Variants in RYR3 observed in about 807,000 individuals in gnomAD.
The protein encoded by RYR3 is brain ryanodine receptor-calcium release channel.
RYR3 carries 207 observed loss-of-function variants against 584.3 expected under a neutral mutation model. The ratio of observed to expected loss-of-function variants is 0.35; its 90% CI spans 0.32 to 0.40. The LOEUF (loss-of-function observed/expected upper bound fraction) is 0.40, where lower values mean the gene tolerates loss of function less well. RYR3 is among the 10% of genes least tolerant of loss of function. The pLI is 1.00. For missense variants in RYR3, 5,616 were observed against 6,089.2 expected, an observed-to-expected ratio of 0.92 and a Z score of 2.59; for synonymous variants, 2,416 against 2,248.5, an observed-to-expected ratio of 1.07 and a Z score of -2.11.
In RYR3 at chr15:33,425,331, T is replaced by C. The variant is rs534117517; in HGVS notation, c.52-48088T>C. On this transcript the variant is annotated intron_variant, in intron 1 of 103. Coordinates refer to ENST00000634891, the MANE Select transcript of RYR3 (RefSeq NM_001036.6). ...GTTGGAGCAATTGTAGTCTGTCTGT[T>C]TGCTGGAGAGGCTGTGGGAAATTCT... 2.6e-5 allele frequency among the ~76,000 whole-genome samples: 4 copies of C among 152,342 alleles called. No homozygotes were observed. In the South Asian group the frequency reaches 6.2e-4, roughly 24 times the overall value.
At chr15:33,845,256 G>T (rs7180465) in intron 93 of RYR3, among the ~76,000 whole-genome samples, 194 bp downstream of exon 93, 1 of 152,050 alleles carries the variant, frequency 6.6e-6, no homozygotes, top group South Asian at 2.1e-4. Flanking sequence ...GTTTTCTTCT[G>T]TTGTTGTTGT....
chr15:33,764,974 C>T (rs147974787), intron 60 of RYR3, among the ~76,000 whole-genome samples: 2,064 of 136,882 alleles, frequency 0.015, 27 homozygotes, highest in Middle Eastern at 0.034. Flanking sequence ...GAGGTTGCAG[C>T]GAGCCAAGAT....
chr15:33,744,860 T>A (rs2070523290), intron 52 of RYR3, among the ~76,000 whole-genome samples: 2 of 152,202 alleles, frequency 1.3e-5, no homozygotes, highest in South Asian at 2.1e-4. Flanking sequence ...TGAAAACATG[T>A]GGGTTTTACC....
rs369063396 is a variant in RYR3, at chr15:33,780,647, C to G, written c.9268+306C>G. Among the ~76,000 whole-genome samples, 14 of 152,310 alleles carry G rather than the reference C, an allele frequency of 9.2e-5. 1 individual carries two copies. The highest frequency in any genetic ancestry group is 7.2e-4 in the Admixed American group (11 of 15,300). Reference sequence around the variant, plus strand: ...TCTGCTCTGGGTTTCAGTTCCCCCTCTGCACCTGGGGATGTGACTCCTTTT... The same window carrying G: ...TCTGCTCTGGGTTTCAGTTCCCCCTGTGCACCTGGGGATGTGACTCCTTTT... On this transcript the variant is annotated intron_variant, in intron 65 of 103. Transcript: ENST00000634891.
At chr15:33,536,758 A>G (rs1243844641) in intron 5 of RYR3, among the ~76,000 whole-genome samples, 1 of 152,262 alleles carries the variant, frequency 6.6e-6, no homozygotes, top group Non-Finnish European at 1.5e-5. Context: ...AGAGAGAAAT[A>G]GTGCTCCTGA....
intron 10 of RYR3, among the ~76,000 whole-genome samples, chr15:33,555,242 T>C (rs1290567560): frequency 6.6e-6 from 1 of 152,192 alleles, no homozygotes; most frequent in Non-Finnish European, 1.5e-5. Flanking sequence ...GCTGTGCTCA[T>C]GGTGCACCTG....
At chr15:33,515,090 C>T (rs777201542) in intron 3 of RYR3, among the ~76,000 whole-genome samples, 4 of 152,266 alleles carry the variant, frequency 2.6e-5, no homozygotes, top group Middle Eastern at 3.4e-3. Flanking sequence ...TAATTTAATA[C>T]ATTCATGTAA....
intron 1 of RYR3, among the ~76,000 whole-genome samples, chr15:33,357,948 C>A (rs1254671965): frequency 6.6e-6 from 1 of 152,204 alleles, no homozygotes; most frequent in African/African-American, 2.4e-5. Flanking sequence ...CAAACTCTTA[C>A]AGCAGTGTAG....
chr15:33,548,513 C>A (rs2056422990), intron 9 of RYR3, among the ~76,000 whole-genome samples: 1 of 152,214 alleles, frequency 6.6e-6, no homozygotes, highest in Non-Finnish European at 1.5e-5. Context: ...TAAACAGGTT[C>A]TCTGGAACCC....
chr15:33,831,251 G>T (rs1020334691), intron 86 of RYR3, among the ~76,000 whole-genome samples, 160 bp downstream of exon 86: 3 of 152,234 alleles, frequency 2.0e-5, no homozygotes, highest in Admixed American at 2.0e-4. Context: ...AATAGTACCT[G>T]CATTCCACAA....
At chr15:33,837,047 T>C in intron 88 of RYR3, 60 bp downstream of exon 88, 1 of 1,294,796 alleles carries the variant, frequency 7.7e-7, no homozygotes, top group Non-Finnish European at 1.1e-6. Flanking sequence ...AGCACTAACC[T>C]TACTGATCAT....
intron 16 of RYR3, among the ~76,000 whole-genome samples, chr15:33,601,193 G>C (rs530280229): frequency 6.6e-6 from 1 of 152,300 alleles, no homozygotes; most frequent in African/African-American, 2.4e-5. Flanking sequence ...GACTACAACA[G>C]AGGGGCTAGA....
At chr15:33,618,229 C>T (rs1192671051) in intron 19 of RYR3, among the ~76,000 whole-genome samples, 1 of 152,162 alleles carries the variant, frequency 6.6e-6, no homozygotes, top group East Asian at 1.9e-4. Context: ...TTAAACTCCC[C>T]ATAAATCTAT....
chr15:33,648,474 C>G lies in RYR3; in HGVS notation c.3979-598C>G, dbSNP rs570266867. On this transcript the variant is annotated intron_variant, in intron 30 of 103. Transcript: ENST00000634891. ...GTGATAACCCCATGGATTGTATGAG[C>G]CCTGCCAAAAACTGCTGTACTTCTC... Among the ~76,000 whole-genome samples the G allele has an allele frequency of 5.3e-5, 8 of 152,310 alleles. No individual in the cohort carries two copies. The East Asian group carries it at 1.5e-3, about 29-fold the overall frequency.
chr15:33,737,424 T>C (rs1035731503), intron 49 of RYR3, among the ~76,000 whole-genome samples: 1 of 152,240 alleles, frequency 6.6e-6, no homozygotes, highest in African/African-American at 2.4e-5. Flanking sequence ...TATTCCCATA[T>C]GCAAAAGTGT....
chr15:33,766,863 G>A lies in RYR3; in HGVS notation c.8706-1795G>A, dbSNP rs114556927. Among the ~76,000 whole-genome samples the A allele has an allele frequency of 1.5e-3, 226 of 152,324 alleles. 1 individual carries two copies. Among genetic ancestry groups the A allele is most frequent in the African/African-American group, 5.3e-3 (220 of 41,580 alleles). On this transcript the variant is annotated intron_variant, in intron 60 of 103. Coordinates refer to ENST00000634891, the MANE Select transcript of RYR3 (RefSeq NM_001036.6). ...TGTCTTCAAACTCTGAGATGGAGGA[G>A]AGGCACTTGGGGACTCGGGGCCCTC...
chr15:33,488,046 GA>G (rs1426751325), intron 2 of RYR3, among the ~76,000 whole-genome samples: 2 of 152,034 alleles, frequency 1.3e-5, no homozygotes, highest in African/African-American at 4.8e-5. Context: ...TAGTAGAAAA[GA>G]AAAAAACATC....
chr15:33,700,895 C>A, intron 41 of RYR3, 82 bp from the exon 42 acceptor site: 2 of 951,226 alleles, frequency 2.1e-6, no homozygotes, highest in Non-Finnish European at 3.2e-6. Flanking sequence ...CTCTCCTGTC[C>A]GCTTACGTGC....
At chr15:33,469,827 G>A (rs1465812738) in intron 1 of RYR3, among the ~76,000 whole-genome samples, 5 of 152,168 alleles carry the variant, frequency 3.3e-5, no homozygotes, top group African/African-American at 7.2e-5. Context: ...AAGACCAATC[G>A]TTGAGCAGTC....
Sources: allele counts gnomAD v4.1 joint callset (sites outside exome capture counted in the v4.1 genomes callset), GRCh38; gene constraint gnomAD v4.1.1; transcripts MANE v1.5; gene names NCBI Gene and HGNC (gene_info 2026-07-23, HGNC 2026-07-21).